PPP1R3A: variants seen among roughly 807,000 people sequenced by gnomAD.
PPP1R3A encodes the protein RG1.
PPP1R3A carries 29 observed loss-of-function variants against 41.7 expected under a neutral mutation model. That is an observed-to-expected ratio of 0.70 (90% CI 0.52 to 0.95). PPP1R3A has a LOEUF of 0.95. PPP1R3A is among the 40% of genes least tolerant of loss of function. The pLI is 0.00. For synonymous variants in PPP1R3A, 485 were observed against 453.4 expected (o/e 1.07, Z -0.89); for missense variants, 1,352 against 1,292.4 (o/e 1.05, Z -0.71).
At position 113,877,573 on chromosome 7, in the gene PPP1R3A, T is replaced by C. The variant is rs1440545085; in HGVS notation, c.*150A>G. ...GTCCTATATAGAATAATTACTTATA[T>C]GAAGGAGCAAACTTATTCGCGTCCC... is the stretch of plus-strand genomic sequence containing the variant. On this transcript the variant is annotated 3_prime_UTR_variant, in exon 4 of 4. Transcript: ENST00000284601. 8.3e-6 allele frequency: 7 copies of C among 847,586 alleles called. No individual in the cohort carries two copies. The highest frequency in any genetic ancestry group is 1.3e-5 in the Non-Finnish European group (7 of 555,848). The allele number at this position is 847,586 out of a possible 1,614,324, so 52.5% of individuals were successfully genotyped here. A position where few individuals can be genotyped will look rare whatever the true frequency, so the allele number is the denominator to read the frequency against.
intron 1 of PPP1R3A, among the ~76,000 whole-genome samples, chr7:113,896,329 G>A (rs1007963097): frequency 6.6e-6 from 1 of 151,810 alleles, no homozygotes; most frequent in African/African-American, 2.4e-5. Context: ...CACATTCAGA[G>A]AACTCCTCCT....
chr7:113,900,693 G>T (rs1797047383), intron 1 of PPP1R3A, among the ~76,000 whole-genome samples: 1 of 147,718 alleles, frequency 6.8e-6, no homozygotes, highest in African/African-American at 2.5e-5. Flanking sequence ...TGTATATATA[G>T]TGATTTATAT....
chr7:113,903,242 G>T (rs1051667801), intron 1 of PPP1R3A, among the ~76,000 whole-genome samples: 1 of 151,698 alleles, frequency 6.6e-6, no homozygotes, highest in Non-Finnish European at 1.5e-5. Context: ...ATTACAATAA[G>T]AAAGTTCCCT....
chr7:113,878,231 C>G lies in PPP1R3A; in HGVS notation c.2861G>C (p.Cys954Ser), dbSNP rs749876989. ...QPISTKSENI[C>S]NSTREIQGIE... ...ACCCTGGATTTCTCTTGTTGAATTA[C>G]AAATATTTTCTGATTTCGTAGAAAT... The change falls in exon 4 of 4, where the codon TGT becomes TCT. Residue 954 changes from cysteine (C) to serine (S), a missense_variant. Coordinates refer to ENST00000284601, the MANE Select transcript of PPP1R3A (RefSeq NM_002711.4). 3 of 1,613,126 alleles carry G rather than the reference C, an allele frequency of 1.9e-6. No homozygotes were observed. The East Asian group carries it at 6.7e-5, about 36-fold the overall frequency.
At chr7:113,890,706 C>T (rs1408020825) in intron 1 of PPP1R3A, among the ~76,000 whole-genome samples, 1 of 151,938 alleles carries the variant, frequency 6.6e-6, no homozygotes, top group East Asian at 1.9e-4. Context: ...AATAATGAAA[C>T]ATCAATGGGG....
At chr7:113,915,015 G>A (rs910625435) in intron 1 of PPP1R3A, among the ~76,000 whole-genome samples, 1 of 152,030 alleles carries the variant, frequency 6.6e-6, no homozygotes, top group African/African-American at 2.4e-5. Context: ...TCAGGAATCT[G>A]CTTAGTTTGC....
At chr7:113,897,774 T>C (rs1797000619) in intron 1 of PPP1R3A, among the ~76,000 whole-genome samples, 1 of 151,700 alleles carries the variant, frequency 6.6e-6, no homozygotes. Flanking sequence ...TAAGATGAAG[T>C]GAGAAGCATT....
At chr7:113,895,212 A>G (rs1221023232) in intron 1 of PPP1R3A, among the ~76,000 whole-genome samples, 2 of 151,986 alleles carry the variant, frequency 1.3e-5, no homozygotes, top group African/African-American at 4.8e-5. Flanking sequence ...AAGAATTTCA[A>G]ATGTGTGTCA....
rs1796589015 is a variant in PPP1R3A, at chr7:113,877,651, T to C, written c.*72A>G. 6 of 1,457,018 alleles carry C rather than the reference T, an allele frequency of 4.1e-6. No homozygotes were observed. The highest frequency in any genetic ancestry group is 5.5e-6 in the Non-Finnish European group (6 of 1,084,524). 90.3% of individuals were successfully genotyped at this position (1,457,018 alleles called of 1,614,324 possible). On this transcript the variant is annotated 3_prime_UTR_variant, in exon 4 of 4. Transcript: ENST00000284601. Reference sequence around the variant, plus strand: ...CTGCACTGGATCTTTGAACAATGAATAGTCCCATTCACCAATCCAAATGTT... The same window carrying C: ...CTGCACTGGATCTTTGAACAATGAACAGTCCCATTCACCAATCCAAATGTT...
At chr7:113,911,477 T>G (rs1322847026) in intron 1 of PPP1R3A, among the ~76,000 whole-genome samples, 2 of 152,128 alleles carry the variant, frequency 1.3e-5, no homozygotes, top group Non-Finnish European at 2.9e-5. Context: ...AAACTTCAAT[T>G]TCATCTTCTA....
Position 113,882,297 on chromosome 7 carries a change from G to T in PPP1R3A, c.806C>A (p.Ser269Ter). Reference sequence around the variant, plus strand: ...TGGATTCTCAAAGTTATTTTCTTCTGATGTTACTGATGATTCTTCTTTACT... The same window carrying T: ...TGGATTCTCAAAGTTATTTTCTTCTTATGTTACTGATGATTCTTCTTTACT... ...KSSKEESSVTSEENNFENPKN... is the reference protein window; with the variant it reads ...KSSKEESSVT The change falls in exon 2 of 4, where the codon TCA becomes TAA. Residue 269 changes from serine (S) to a stop codon, truncating the protein, a stop_gained. Coordinates refer to ENST00000284601, the MANE Select transcript of PPP1R3A (RefSeq NM_002711.4). LOFTEE classifies it high-confidence loss of function. 1 of 1,468,214 alleles carries T rather than the reference G, an allele frequency of 6.8e-7. No individual in the cohort carries two copies. The highest frequency in any genetic ancestry group is 9.5e-7 in the Non-Finnish European group (1 of 1,050,198). 90.9% of individuals were successfully genotyped at this position (1,468,214 alleles called of 1,614,324 possible).
At chr7:113,907,757 A>T (rs767827965) in intron 1 of PPP1R3A, among the ~76,000 whole-genome samples, 1 of 151,846 alleles carries the variant, frequency 6.6e-6, no homozygotes, top group Non-Finnish European at 1.5e-5. Flanking sequence ...TTATGGTTTG[A>T]AAAAAATAGA....
intron 1 of PPP1R3A, among the ~76,000 whole-genome samples, chr7:113,906,249 T>C (rs917420341): frequency 2.0e-5 from 3 of 151,828 alleles, no homozygotes; most frequent in African/African-American, 7.2e-5. Context: ...ATGCAGTTAT[T>C]GCTGGGACAA....
chr7:113,915,022 T>C (rs1797315655), intron 1 of PPP1R3A, among the ~76,000 whole-genome samples: 1 of 152,138 alleles, frequency 6.6e-6, no homozygotes, highest in South Asian at 2.1e-4. Flanking sequence ...TCTGCTTAGT[T>C]TGCTAGCATA....
chr7:113,917,083 T>TA (rs938437522), intron 1 of PPP1R3A, among the ~76,000 whole-genome samples: 16 of 152,212 alleles, frequency 1.1e-4, no homozygotes, highest in Non-Finnish European at 2.2e-4. Context: ...GCACAATTTT[T>TA]AAAAAAATTT....
At chr7:113,903,235 A>G (rs1289535817) in intron 1 of PPP1R3A, among the ~76,000 whole-genome samples, 1 of 151,814 alleles carries the variant, frequency 6.6e-6, no homozygotes, top group Non-Finnish European at 1.5e-5. Context: ...TAAACTAATT[A>G]CAATAAGAAA....
rs777577225 is a variant in PPP1R3A at position 113,879,390 on chromosome 7, C to T, written c.1702G>A (p.Glu568Lys). The change falls in exon 4 of 4, where the codon GAA becomes AAA. Residue 568 changes from glutamate to lysine, a missense_variant. By Grantham distance (56) the Glu-to-Lys change is moderately conservative. Transcript: ENST00000284601. ...SNRDLATLLS[E>K]HTAIPTRAIT... ...GCCCGGGTGGGGATTGCGGTATGTT[C>T]GCTCAGCAGAGTAGCCAGGTCTCTG... 13 of 1,613,398 alleles carry T rather than the reference C, an allele frequency of 8.1e-6. No individual in the cohort carries two copies. In the African/African-American group the frequency reaches 1.1e-4, roughly 13 times the overall value.
chr7:113,883,499 G>C (rs927464681), intron 1 of PPP1R3A, among the ~76,000 whole-genome samples: 6 of 151,596 alleles, frequency 4.0e-5, no homozygotes, highest in African/African-American at 1.5e-4. Flanking sequence ...AAAAACATTT[G>C]GTATTTTTAG....
In PPP1R3A at chr7:113,903,192, A is replaced by G. The variant is rs147477192; in HGVS notation, c.782+15023T>C. ...TCTTTTTCACTAGGTAAAAGTGTAAACTTTAGATTTTGAAGGAATGAATAA... is the reference window on the plus strand; with the variant it reads ...TCTTTTTCACTAGGTAAAAGTGTAAGCTTTAGATTTTGAAGGAATGAATAA... On this transcript the variant is annotated intron_variant, in intron 1 of 3. Transcript: ENST00000284601. Among the ~76,000 whole-genome samples the G allele has an allele frequency of 6.8e-3, 1,027 of 151,868 alleles. 9 individuals carry two copies. Among genetic ancestry groups the G allele is most frequent in the African/African-American group, 0.023 (963 of 41,472 alleles).
Sources: gnomAD v4.1 joint callset for allele counts (sites outside exome capture counted in the v4.1 genomes callset) on GRCh38, gnomAD v4.1.1 for gene constraint, MANE v1.5 for transcripts, NCBI Gene and HGNC (gene_info 2026-07-23, HGNC 2026-07-21) for gene names.